AUH: variants seen among roughly 807,000 people sequenced by gnomAD.
The protein encoded by AUH is AU RNA binding methylglutaconyl-CoA hydratase, also known as methylglutaconyl-CoA hydratase, mitochondrial.
AUH carries 29 observed loss-of-function variants against 42.3 expected under a neutral mutation model. The ratio of observed to expected loss-of-function variants is 0.69; its 90% CI spans 0.51 to 0.93. AUH has a LOEUF of 0.93. AUH is among the 40% of genes least tolerant of loss of function. The pLI, the probability that AUH is intolerant of heterozygous loss-of-function variation, is 0.00. For synonymous variants in AUH, 174 were observed against 166.4 expected, an observed-to-expected ratio of 1.05 and a Z score of -0.35; for missense variants, 452 against 438.1, an observed-to-expected ratio of 1.03 and a Z score of -0.28.
At chr9:91,324,181 G>A (rs1829798744) in intron 4 of AUH, among the ~76,000 whole-genome samples, 1 of 152,058 alleles carries the variant, frequency 6.6e-6, no homozygotes, top group African/African-American at 2.4e-5. Flanking sequence ...CCTATAAAAG[G>A]AGGATGAAGA....
chr9:91,267,709 A>G (rs1395339748), intron 6 of AUH, among the ~76,000 whole-genome samples: 1 of 152,128 alleles, frequency 6.6e-6, no homozygotes, highest in Non-Finnish European at 1.5e-5. Context: ...GCCTCGGTCT[A>G]TGATTCAGAA....
chr9:91,328,071 A>G (rs1046091193), intron 3 of AUH, among the ~76,000 whole-genome samples: 9 of 152,224 alleles, frequency 5.9e-5, no homozygotes, highest in African/African-American at 2.2e-4. Flanking sequence ...TGGCAGGGGC[A>G]GCAAAGATTT....
chr9:91,341,881 G>C (rs1439186512), intron 3 of AUH, among the ~76,000 whole-genome samples: 1 of 152,170 alleles, frequency 6.6e-6, no homozygotes, highest in Non-Finnish European at 1.5e-5. Context: ...AGTGATGAGG[G>C]AACAGCTATT....
At chr9:91,313,331 C>A (rs189779451) in intron 4 of AUH, among the ~76,000 whole-genome samples, 17 of 152,306 alleles carry the variant, frequency 1.1e-4, no homozygotes, top group Admixed American at 7.2e-4. Flanking sequence ...GGATCCTCCA[C>A]CATCAGTATC....
intron 3 of AUH, among the ~76,000 whole-genome samples, chr9:91,342,056 G>T (rs1363366779): frequency 1.3e-5 from 2 of 152,168 alleles, no homozygotes; most frequent in African/African-American, 2.4e-5. Flanking sequence ...GACACACTTG[G>T]TATCAGTTTC....
At chr9:91,247,516 T>C (rs1236099967) in intron 6 of AUH, among the ~76,000 whole-genome samples, 1 of 152,106 alleles carries the variant, frequency 6.6e-6, no homozygotes, top group Non-Finnish European at 1.5e-5. Flanking sequence ...CCCTGACACA[T>C]GGGGCTCTGG....
At chr9:91,343,946 G>A (rs1831293373) in intron 3 of AUH, among the ~76,000 whole-genome samples, 1 of 152,150 alleles carries the variant, frequency 6.6e-6, no homozygotes, top group Non-Finnish European at 1.5e-5. Flanking sequence ...CCAACTGACT[G>A]ATGGACCCTC....
Position 91,295,539 on chromosome 9 carries a change from C to T in AUH, c.655+482G>A, listed in dbSNP as rs143490207. Among the ~76,000 whole-genome samples, 1,019 of 152,256 alleles carry T rather than the reference C, an allele frequency of 6.7e-3. 6 individuals are homozygous for T. Among genetic ancestry groups the T allele is most frequent in the African/African-American group, 0.023 (961 of 41,554 alleles). ...TCAACTGATGTGGCAAACTGCACTG[C>T]TGTCCTTGGAAATTGGCACAGCACC... On this transcript the variant is annotated intron_variant, in intron 6 of 9. Transcript: ENST00000375731.
intron 6 of AUH, 76 bp from the exon 7 acceptor site, chr9:91,221,068 A>G: frequency 1.3e-6 from 2 of 1,502,882 alleles, no homozygotes; most frequent in Non-Finnish European, 1.8e-6. Flanking sequence ...TCATATCTTC[A>G]TTTATAAAAA....
chr9:91,347,341 G>A (rs1167468519), intron 3 of AUH, among the ~76,000 whole-genome samples: 2 of 152,128 alleles, frequency 1.3e-5, no homozygotes, highest in African/African-American at 4.8e-5. Context: ...ACAGGCATGA[G>A]CCACCGTGCC....
intron 6 of AUH, among the ~76,000 whole-genome samples, chr9:91,247,834 A>G (rs1366324607): frequency 6.6e-6 from 1 of 152,218 alleles, no homozygotes; most frequent in Admixed American, 6.5e-5. Context: ...GTCTGCTTAA[A>G]TATCTTGACC....
At chr9:91,311,664 G>A (rs1828707681) in intron 4 of AUH, among the ~76,000 whole-genome samples, 1 of 152,176 alleles carries the variant, frequency 6.6e-6, no homozygotes, top group Non-Finnish European at 1.5e-5. Context: ...ATGGCCCTCA[G>A]TGAGGTAATT....
rs182135482 is a variant in AUH, at chr9:91,329,621, G to A, written c.419-4217C>T. On this transcript the variant is annotated intron_variant, in intron 3 of 9. Transcript: ENST00000375731. ...TTGTTTTCTCCTTATTGAGTTGTAA[G>A]TTATAACTTAGATACAAGCCCTTTC... 2.5e-3 allele frequency among the ~76,000 whole-genome samples: 378 copies of A among 152,010 alleles called. 2 individuals carry two copies. Among genetic ancestry groups the A allele is most frequent in the Middle Eastern group, 3.4e-3 (1 of 294 alleles).
intron 6 of AUH, among the ~76,000 whole-genome samples, chr9:91,271,920 G>A (rs903645897): frequency 6.6e-6 from 1 of 152,174 alleles, no homozygotes; most frequent in Non-Finnish European, 1.5e-5. Flanking sequence ...GACCTCAGGT[G>A]ATCCACCCGC....
At chr9:91,264,869 T>C (rs116634936) in intron 6 of AUH, among the ~76,000 whole-genome samples, 112 of 152,330 alleles carry the variant, frequency 7.4e-4, no homozygotes, top group African/African-American at 2.6e-3. Context: ...CTCATATATA[T>C]CTATATACAC....
chr9:91,233,724 T>C (rs1462823606), intron 6 of AUH, among the ~76,000 whole-genome samples: 1 of 152,188 alleles, frequency 6.6e-6, no homozygotes, highest in Non-Finnish European at 1.5e-5. Flanking sequence ...CAATAACAAG[T>C]AACGCCAGCC....
At chr9:91,348,094 T>A in intron 3 of AUH, among the ~76,000 whole-genome samples, 1 of 151,294 alleles carries the variant, frequency 6.6e-6, no homozygotes, top group African/African-American at 2.4e-5. Context: ...AAAAAAAACC[T>A]TACAACTCAA....
chr9:91,285,959 T>G (rs1291383156), intron 6 of AUH, among the ~76,000 whole-genome samples: 6 of 152,172 alleles, frequency 3.9e-5, no homozygotes, highest in Non-Finnish European at 1.5e-5. Flanking sequence ...CGGTAAAATG[T>G]CAACATTATG....
chr9:91,241,977 AAAAC>A (rs1429353887), intron 6 of AUH, among the ~76,000 whole-genome samples: 1 of 152,240 alleles, frequency 6.6e-6, no homozygotes, highest in Non-Finnish European at 1.5e-5. Context: ...TCAGTGGTTT[AAAAC>A]AAACACTTAC....
Sources: gnomAD v4.1 joint callset for allele counts (sites outside exome capture counted in the v4.1 genomes callset) on GRCh38, gnomAD v4.1.1 for gene constraint, MANE v1.5 for transcripts, NCBI Gene and HGNC (gene_info 2026-07-23, HGNC 2026-07-21) for gene names.